Variants in MYH9 observed in about 807,000 individuals in gnomAD.
MYH9 encodes myosin heavy chain 9.
In MYH9, 29 loss-of-function variants were observed where a neutral mutation model predicts 241.9. The ratio of observed to expected loss-of-function variants is 0.12; its 90% CI spans 0.09 to 0.16. The LOEUF is 0.16. Ranked by LOEUF, MYH9 falls within the 10% of genes least tolerant of loss-of-function variation. The probability of loss-of-function intolerance (pLI) is 1.00; values close to 1 mark genes in which losing one functional copy is unlikely to be tolerated. For missense variants in MYH9, 1,803 were observed against 2,595.5 expected (o/e 0.69, Z 6.63); for synonymous variants, 1,047 against 1,062.6 (o/e 0.99, Z 0.29).
rs1569534564 is a variant in MYH9 at position 36,282,687 on chromosome 22, T to C, written c.5864A>G (p.Glu1955Gly). 1.2e-6 allele frequency: 2 copies of C among 1,614,022 alleles called. No homozygotes were observed. Among genetic ancestry groups the C allele is most frequent in the Non-Finnish European group, 1.7e-6 (2 of 1,180,028 alleles). The change falls in exon 41 of 41, where the codon GAG becomes GGG. Residue 1955 changes from glutamate to glycine, a missense_variant. Glu to Gly is a moderately conservative substitution (Grantham distance 98, BLOSUM62 -2). Coordinates refer to ENST00000216181, the MANE Select transcript of MYH9 (RefSeq NM_002473.6). Reference sequence around the variant, plus strand: ...AGAGGCTTATTCGGCAGGTTTGGCCTCAGCCCCATCCGCTTTGCCATCTAC... The same window carrying C: ...AGAGGCTTATTCGGCAGGTTTGGCCCCAGCCCCATCCGCTTTGCCATCTAC... ...EEVDGKADGA[E>G]AKPAE
chr22:36,387,243 G>A (rs902810644), intron 1 of MYH9, among the ~76,000 whole-genome samples: 3 of 152,340 alleles, frequency 2.0e-5, no homozygotes, highest in East Asian at 1.9e-4. Context: ...ACCGGGCCGG[G>A]TGCAAGGTCT....
intron 12 of MYH9, among the ~76,000 whole-genome samples, chr22:36,315,680 C>A (rs535962522): frequency 1.3e-4 from 19 of 151,694 alleles, no homozygotes; most frequent in African/African-American, 4.6e-4. Context: ...CCCGGGAGGT[C>A]GAAGCTGCAG....
At chr22:36,383,233 A>G (rs1037163940) in intron 1 of MYH9, among the ~76,000 whole-genome samples, 2 of 152,142 alleles carry the variant, frequency 1.3e-5, no homozygotes, top group African/African-American at 4.8e-5. Flanking sequence ...ACGAAATCAA[A>G]AAACAAAAAG....
At position 36,282,503 on chromosome 22, in the gene MYH9, TCAA is replaced by T; in HGVS notation, c.*162_*164del. ...ATGCAGCAGAGGAAGCCAAATGCCC[TCAA>T]CAACACCTGGAGGGAAACGGGATGG... is the stretch of plus-strand genomic sequence containing the variant. On this transcript the variant is annotated 3_prime_UTR_variant, in exon 41 of 41. Transcript: ENST00000216181. 1 of 774,180 alleles carries T rather than the reference TCAA, an allele frequency of 1.3e-6. No homozygotes were observed. Among genetic ancestry groups the T allele is most frequent in the South Asian group, 1.4e-5 (1 of 72,278 alleles). 48.0% of individuals were successfully genotyped at this position (774,180 alleles called of 1,614,324 possible). A position where few individuals can be genotyped will look rare whatever the true frequency, so the allele number is the denominator to read the frequency against.
At position 36,300,828 on chromosome 22, in the gene MYH9, C is replaced by T. The variant is rs1222434231; in HGVS notation, c.2838+23G>A. 1 of 1,598,938 alleles carries T rather than the reference C, an allele frequency of 6.3e-7. No homozygotes were observed. The highest frequency in any genetic ancestry group is 8.5e-7 in the Non-Finnish European group (1 of 1,179,544). On this transcript the variant is annotated intron_variant, in intron 22 of 40. Transcript: ENST00000216181. This position sits in a 1 kb window ranked among gnomAD's most constrained non-coding sequence, Gnocchi z 5.0. The stretch of plus-strand genomic sequence containing the variant: ...GCCCTGCCCCTCCGGCGCCACCCCT[C>T]CCCGGGTGCAGCGGGCAGGAACCTG...
chr22:36,299,347 AC>A (rs2016838239), intron 23 of MYH9, among the ~76,000 whole-genome samples: 1 of 151,966 alleles, frequency 6.6e-6, no homozygotes, highest in African/African-American at 2.4e-5. Flanking sequence ...AGATGGCTCC[AC>A]TCCTTCAAGA....
chr22:36,299,574 C>G (rs966462888), intron 23 of MYH9, among the ~76,000 whole-genome samples: 4 of 152,172 alleles, frequency 2.6e-5, no homozygotes, highest in African/African-American at 7.2e-5. Flanking sequence ...CCCGGGTGGG[C>G]GTCCTGCCAC....
chr22:36,319,789 A>G lies in MYH9; in HGVS notation c.1013-154T>C, dbSNP rs1032330211. 16 of 793,194 alleles carry G rather than the reference A, an allele frequency of 2.0e-5. No individual in the cohort carries two copies. In the Admixed American group the frequency reaches 2.6e-4, roughly 13 times the overall value. The allele number at this position is 793,194 out of a possible 1,614,324, so 49.1% of individuals were successfully genotyped here. ...CCACAGGGGCGCCAGGTCTGCGTCT[A>G]ACGGTGTGCGGTGGGCCCAGCCACC... On this transcript the variant is annotated intron_variant, in intron 9 of 40. Transcript: ENST00000216181.
chr22:36,297,252 T>C (rs1221029592), intron 24 of MYH9: 1 of 571,900 alleles, frequency 1.7e-6, no homozygotes, highest in East Asian at 3.0e-5. Context: ...AGGAATTAAG[T>C]ACTCTCCTAA....
Position 36,300,166 on chromosome 22 carries a change from C to G in MYH9, c.2937G>C (p.Glu979Asp). The change falls in exon 23 of 41, where the codon GAG (glutamate) becomes GAC (aspartate). Residue 979 changes from glutamate (E) to aspartate (D), a missense_variant. Coordinates refer to ENST00000216181, the MANE Select transcript of MYH9 (RefSeq NM_002473.6). The surrounding 1 kb of genome is among the most constrained non-coding windows in gnomAD (Gnocchi z 5.0). ...AGTTCTGGTCCTCCAGGATGATCTG[C>G]TCCTCCTCCAGCTTTTTCAGCTTCG... The part of the protein sequence containing the change: ...TEAKLKKLEE[E>D]QIILEDQNCK... The G allele has an allele frequency of 1.2e-6, 2 of 1,613,246 alleles. No homozygotes were observed. Among genetic ancestry groups the G allele is most frequent in the Non-Finnish European group, 1.7e-6 (2 of 1,180,022 alleles).
intron 1 of MYH9, among the ~76,000 whole-genome samples, chr22:36,349,813 T>C (rs997271473): frequency 5.3e-5 from 8 of 152,120 alleles, no homozygotes; most frequent in African/African-American, 1.7e-4. Flanking sequence ...CAAATGAACA[T>C]AACAAGAGTC....
At chr22:36,368,488 G>T (rs713798) in intron 1 of MYH9, among the ~76,000 whole-genome samples, 31,671 of 151,926 alleles carry the variant, frequency 0.21, 4,299 homozygotes, top group African/African-American at 0.4. Flanking sequence ...CTGGCAAGGC[G>T]TCACATAGGA....
chr22:36,362,283 G>C (rs1190129555), intron 1 of MYH9, among the ~76,000 whole-genome samples: 1 of 152,276 alleles, frequency 6.6e-6, no homozygotes, highest in East Asian at 1.9e-4. Flanking sequence ...CTACTCCATA[G>C]AGCCTGGCTC....
Position 36,306,336 on chromosome 22 carries a change from T to C in MYH9, c.2037+78A>G. 6.4e-7 allele frequency: 1 copy of C among 1,572,520 alleles called. No individual in the cohort carries two copies. ...CATGCTGGGGGGCTGGAGGGGTGCTTTTGCTGGGGAGACAGACAAGGGCTG... is the reference window on the plus strand; with the variant it reads ...CATGCTGGGGGGCTGGAGGGGTGCTCTTGCTGGGGAGACAGACAAGGGCTG... On this transcript the variant is annotated intron_variant, in intron 16 of 40. Transcript: ENST00000216181. The surrounding 1 kb of genome is among the most constrained non-coding windows in gnomAD (Gnocchi z 4.1).
chr22:36,294,658 T>TA (rs1326107572), intron 27 of MYH9, among the ~76,000 whole-genome samples: 1 of 152,262 alleles, frequency 6.6e-6, no homozygotes, highest in Non-Finnish European at 1.5e-5. Context: ...TGTTTGCAGT[T>TA]AGACTTCCAA....
At chr22:36,352,286 C>T (rs1447082911) in intron 1 of MYH9, among the ~76,000 whole-genome samples, 1 of 152,214 alleles carries the variant, frequency 6.6e-6, no homozygotes, top group Non-Finnish European at 1.5e-5. Context: ...AGTGAGCCTT[C>T]CCAGTGTGGA....
intron 1 of MYH9, among the ~76,000 whole-genome samples, chr22:36,380,677 G>A (rs960568285): frequency 2.6e-5 from 4 of 152,058 alleles, no homozygotes; most frequent in Non-Finnish European, 5.9e-5. Context: ...GGAGGTGGAG[G>A]TTGCAGTGAG....
At chr22:36,370,840 G>C (rs1350419502) in intron 1 of MYH9, among the ~76,000 whole-genome samples, 1 of 144,550 alleles carries the variant, frequency 6.9e-6, no homozygotes, top group Non-Finnish European at 1.5e-5. Context: ...AAGCGCTGGT[G>C]AACCAGGGGT....
intron 1 of MYH9, among the ~76,000 whole-genome samples, chr22:36,367,085 T>C (rs1422267094): frequency 6.6e-6 from 1 of 152,226 alleles, no homozygotes; most frequent in East Asian, 1.9e-4. Context: ...CATGGACTTT[T>C]AGGAGTCCCC....
Sources: allele counts gnomAD v4.1 joint callset (sites outside exome capture counted in the v4.1 genomes callset), GRCh38; gene constraint gnomAD v4.1.1; non-coding constraint Gnocchi (gnomAD v3.1); transcripts MANE v1.5; gene names NCBI Gene and HGNC (gene_info 2026-07-23, HGNC 2026-07-21).